PHF24: variants seen among roughly 807,000 people sequenced by gnomAD.
PHF24 encodes Galpha inhibitory interacting protein.
Under a neutral mutation model 42.6 loss-of-function variants are expected in PHF24, and 25 were observed. The observed-to-expected ratio is 0.59, with a 90% CI of 0.43 to 0.82. The LOEUF is 0.82. Among genes scored for constraint, PHF24 ranks in the 40% least tolerant of loss-of-function variants. The pLI is 0.00. For missense variants in PHF24, 470 were observed against 538.1 expected (o/e 0.87, Z 1.25); for synonymous variants, 185 against 204.8 (o/e 0.90, Z 0.83).
At chr9:34,923,049 G>T in the PHF24 span, 257 of 386,498 alleles carry the variant, frequency 6.6e-4, no homozygotes, top group Non-Finnish European at 8.2e-4. Context: ...TTTTGTTTTT[G>T]TTTTTTTTTT....
chr9:34,762,755 G>A, the PHF24 span, among the ~76,000 whole-genome samples: 2 of 152,072 alleles, frequency 1.3e-5, no homozygotes, highest in Non-Finnish European at 2.9e-5. Context: ...TGGTGTTTTA[G>A]ACATGAAGAC....
chr9:34,967,616 A>G (rs1826824800), intron 1 of PHF24, among the ~76,000 whole-genome samples: 1 of 152,144 alleles, frequency 6.6e-6, no homozygotes, highest in South Asian at 2.1e-4. Flanking sequence ...CTCTTGGGGT[A>G]CCTCTGTCAC....
chr9:34,709,347 G>T, the PHF24 span: 2 of 1,599,174 alleles, frequency 1.3e-6, no homozygotes, highest in East Asian at 4.5e-5. Context: ...GGCTTCAAGC[G>T]CTGGTGAGGC....
chr9:34,836,040 A>T, the PHF24 span: 4 of 626,470 alleles, frequency 6.4e-6, no homozygotes, highest in East Asian at 7.0e-5. Context: ...CCTCTGGGGG[A>T]AGCCAGCCCT....
At chr9:34,762,098 G>A in the PHF24 span, among the ~76,000 whole-genome samples, 1 of 152,052 alleles carries the variant, frequency 6.6e-6, no homozygotes, top group Non-Finnish European at 1.5e-5. Flanking sequence ...GTCTATCATT[G>A]TTGGACATTT....
the PHF24 span, among the ~76,000 whole-genome samples, chr9:34,798,926 T>C: frequency 6.6e-6 from 1 of 152,278 alleles, no homozygotes; most frequent in East Asian, 1.9e-4. Flanking sequence ...TATCTCACTG[T>C]GGTTTAGATT....
the PHF24 span, among the ~76,000 whole-genome samples, chr9:34,727,224 T>C: frequency 6.6e-6 from 1 of 152,238 alleles, no homozygotes; most frequent in Non-Finnish European, 1.5e-5. Flanking sequence ...TGGGAGGGCA[T>C]GGCCCTCAGA....
the PHF24 span, among the ~76,000 whole-genome samples, chr9:34,756,130 G>A: frequency 6.6e-6 from 1 of 151,662 alleles, no homozygotes; most frequent in Non-Finnish European, 1.5e-5. Flanking sequence ...TCAAAGTTTC[G>A]CTCTTGTTGC....
chr9:34,799,851 AT>A, the PHF24 span, among the ~76,000 whole-genome samples: 1 of 152,078 alleles, frequency 6.6e-6, no homozygotes, highest in Non-Finnish European at 1.5e-5. Flanking sequence ...AGTACCACAG[AT>A]TTTTTTTAAG....
chr9:34,823,427 C>A, the PHF24 span, among the ~76,000 whole-genome samples: 4 of 152,090 alleles, frequency 2.6e-5, no homozygotes, highest in Non-Finnish European at 4.4e-5. Flanking sequence ...ATCCAGGAGG[C>A]CATTTGTTAG....
At chr9:34,912,138 T>C in the PHF24 span, among the ~76,000 whole-genome samples, 7 of 152,164 alleles carry the variant, frequency 4.6e-5, no homozygotes, top group Admixed American at 2.6e-4. Flanking sequence ...TGAGCTGTCA[T>C]GTAGGCAGTG....
At chr9:34,919,775 G>A in the PHF24 span, among the ~76,000 whole-genome samples, 1 of 149,460 alleles carries the variant, frequency 6.7e-6, no homozygotes, top group Non-Finnish European at 1.5e-5. Context: ...TTAATTTCTA[G>A]TTCTTACAAA....
the PHF24 span, among the ~76,000 whole-genome samples, chr9:34,883,283 C>A: frequency 6.6e-6 from 1 of 152,114 alleles, no homozygotes; most frequent in Non-Finnish European, 1.5e-5. Flanking sequence ...CGAGGCAATA[C>A]CATTCAGGAC....
At chr9:34,756,847 A>T in the PHF24 span, among the ~76,000 whole-genome samples, 1 of 151,840 alleles carries the variant, frequency 6.6e-6, no homozygotes, top group Non-Finnish European at 1.5e-5. Flanking sequence ...GTCTGTGAGC[A>T]TGGAATGTCT....
At chr9:34,860,395 T>C in the PHF24 span, among the ~76,000 whole-genome samples, 3 of 152,236 alleles carry the variant, frequency 2.0e-5, no homozygotes, top group Non-Finnish European at 4.4e-5. Context: ...TTTATTCCTA[T>C]ATATTTTATT....
the PHF24 span, among the ~76,000 whole-genome samples, chr9:34,809,626 G>A: frequency 1.4e-4 from 21 of 152,328 alleles, no homozygotes; most frequent in Admixed American, 6.5e-4. This position sits in a 1 kb window ranked among gnomAD's most constrained non-coding sequence, Gnocchi z 4.1. Context: ...GGAGGCCTAG[G>A]GTGGGCAGCT....
chr9:34,927,185 G>A, the PHF24 span, among the ~76,000 whole-genome samples: 1 of 152,166 alleles, frequency 6.6e-6, no homozygotes, highest in Non-Finnish European at 1.5e-5. Flanking sequence ...TCATCTGGCT[G>A]GAAGTGCAGT....
chr9:34,679,630 G>A, the PHF24 span, among the ~76,000 whole-genome samples: 826 of 152,312 alleles, frequency 5.4e-3, 8 homozygotes, highest in Admixed American at 0.032. Flanking sequence ...CATGAGAATC[G>A]CTTGAACCCA....
the PHF24 span, chr9:34,690,424 CTG>C: frequency 0.049 from 29,818 of 602,792 alleles, 223 homozygotes; most frequent in African/African-American, 0.093. Flanking sequence ...TTGAGGACAC[CTG>C]TGTGTGTGTG....
Sources: allele counts gnomAD v4.1 joint callset (sites outside exome capture counted in the v4.1 genomes callset), GRCh38; gene constraint gnomAD v4.1.1; non-coding constraint Gnocchi (gnomAD v3.1); transcripts MANE v1.5; gene names NCBI Gene and HGNC (gene_info 2026-07-23, HGNC 2026-07-21).